Variants in CDH11 observed in about 807,000 individuals in gnomAD.
CDH11 encodes cadherin 11, also known as cadherin-11.
In CDH11, 11 loss-of-function variants were observed where a neutral mutation model predicts 67.8. The observed-to-expected ratio is 0.16, with a 90% CI of 0.10 to 0.27. The LOEUF (loss-of-function observed/expected upper bound fraction) is 0.27, where lower values mean the gene tolerates loss of function less well. Ranked by LOEUF, CDH11 falls within the 10% of genes least tolerant of loss-of-function variation. The probability of loss-of-function intolerance (pLI) is 1.00; values close to 1 mark genes in which losing one functional copy is unlikely to be tolerated. For missense variants in CDH11, 847 were observed against 1,031.2 expected (o/e 0.82, Z 2.45); for synonymous variants, 419 against 400.0 (o/e 1.05, Z -0.57).
At chr16:65,033,267 CACACAT>C (rs60535943) in intron 2 of CDH11, among the ~76,000 whole-genome samples, 19,737 of 148,668 alleles carry the variant, frequency 0.13, 1,682 homozygotes, top group East Asian at 0.38. Context: ...CACACACACA[CACACAT>C]ACAGATTTTG....
chr16:65,066,990 G>A (rs1161364676), intron 1 of CDH11, among the ~76,000 whole-genome samples: 7 of 152,230 alleles, frequency 4.6e-5, no homozygotes, highest in African/African-American at 1.7e-4. Context: ...TTGGCAAACA[G>A]TGGTATTCCT....
intron 2 of CDH11, among the ~76,000 whole-genome samples, chr16:65,027,658 G>C (rs952044368): frequency 6.6e-6 from 1 of 152,176 alleles, no homozygotes; most frequent in African/African-American, 2.4e-5. Flanking sequence ...CGACAGAAAG[G>C]CTTGCCCTTG....
chr16:65,071,177 TC>T (rs1353743861), intron 1 of CDH11, among the ~76,000 whole-genome samples: 2 of 152,046 alleles, frequency 1.3e-5, no homozygotes, highest in Admixed American at 1.3e-4. Flanking sequence ...GAGAAAGTGG[TC>T]CCAGTGGAAA....
intron 2 of CDH11, among the ~76,000 whole-genome samples, chr16:65,025,029 C>A (rs1038540380): frequency 3.3e-5 from 5 of 152,222 alleles, no homozygotes; most frequent in African/African-American, 1.2e-4. Context: ...CTGTCTCAGT[C>A]CAGCAGCAGG....
rs150203507 is a variant in CDH11 at position 65,078,451 on chromosome 16, G to C, written c.-297-24523C>G. 6.7e-4 allele frequency among the ~76,000 whole-genome samples: 102 copies of C among 152,228 alleles called. 2 individuals are homozygous for C. In the South Asian group the frequency reaches 0.015, roughly 22 times the overall value. ...TTAGCATCAGCGAAGACACTACTTC[G>C]TATTATATCATTCCCCCAATAGCAG... is the stretch of plus-strand genomic sequence containing the variant. On this transcript the variant is annotated intron_variant, in intron 1 of 12. Transcript: ENST00000268603.
chr16:65,032,756 A>G (rs879327710), intron 2 of CDH11, among the ~76,000 whole-genome samples: 6 of 152,218 alleles, frequency 3.9e-5, no homozygotes, highest in Non-Finnish European at 8.8e-5. Context: ...TGTGAAATTA[A>G]GGGCATTAGT....
At chr16:64,973,928 G>A (rs540781020) in intron 8 of CDH11, among the ~76,000 whole-genome samples, 1 of 152,302 alleles carries the variant, frequency 6.6e-6, no homozygotes, top group African/African-American at 2.4e-5. Flanking sequence ...TACAAAGTAA[G>A]CTTGGCCATT....
At chr16:65,114,218 A>C (rs2075205175) in intron 1 of CDH11, among the ~76,000 whole-genome samples, 1 of 152,186 alleles carries the variant, frequency 6.6e-6, no homozygotes, top group Non-Finnish European at 1.5e-5. Context: ...CAAAAAACCT[A>C]CTGATAAGGG....
chr16:65,122,125 C>CGGGG (rs2142908078), upstream of CDH11: 7 of 51,982 alleles, frequency 1.3e-4, no homozygotes, highest in East Asian at 4.8e-4. Flanking sequence ...GGCGGGCAGG[C>CGGGG]GGGTGCGGGG....
chr16:64,992,324 G>A (rs1392397094), intron 5 of CDH11, among the ~76,000 whole-genome samples: 1 of 152,186 alleles, frequency 6.6e-6, no homozygotes, highest in Non-Finnish European at 1.5e-5. Flanking sequence ...GAAATGTTTT[G>A]ATGGTGCATA....
chr16:64,974,302 G>A (rs2072101615), intron 8 of CDH11, among the ~76,000 whole-genome samples: 1 of 152,132 alleles, frequency 6.6e-6, no homozygotes, highest in Non-Finnish European at 1.5e-5. Flanking sequence ...GTGGTTTTCT[G>A]CTCTTAGAGG....
At chr16:65,102,811 T>C (rs774054374) in intron 1 of CDH11, among the ~76,000 whole-genome samples, 1 of 152,206 alleles carries the variant, frequency 6.6e-6, no homozygotes, top group Non-Finnish European at 1.5e-5. Flanking sequence ...TGGATCCTTC[T>C]GTTGAACCCA....
At chr16:64,963,099 C>T (rs920013411) in intron 11 of CDH11, among the ~76,000 whole-genome samples, 2 of 152,150 alleles carry the variant, frequency 1.3e-5, no homozygotes, top group African/African-American at 4.8e-5. Context: ...TTTGAAGAGA[C>T]AGAGAAAATA....
chr16:64,971,870 A>T (rs1222438900), intron 10 of CDH11, 61 bp downstream of exon 10: 2 of 1,586,988 alleles, frequency 1.3e-6, no homozygotes, highest in Non-Finnish European at 1.7e-6. Context: ...TGATGGTTTA[A>T]AAAACACACT....
intron 2 of CDH11, among the ~76,000 whole-genome samples, 164 bp from the exon 3 acceptor site, chr16:65,005,205 G>A (rs918249170): frequency 6.6e-6 from 1 of 152,134 alleles, no homozygotes; most frequent in African/African-American, 2.4e-5. Flanking sequence ...TTTATGAAGT[G>A]GGGATAAGAG....
intron 8 of CDH11, 89 bp from the exon 9 acceptor site, chr16:64,973,129 G>A: frequency 8.2e-7 from 1 of 1,225,702 alleles, no homozygotes; most frequent in Non-Finnish European, 1.1e-6. Flanking sequence ...TTTAAATCAA[G>A]CTTCTCAATG....
At chr16:64,950,628 T>A in intron 12 of CDH11, 139 bp downstream of exon 12, 11 of 593,626 alleles carry the variant, frequency 1.9e-5, no homozygotes, top group Non-Finnish European at 2.7e-5. Context: ...CCCGCCCCCG[T>A]ACCCCACTTC....
chr16:65,096,378 A>C (rs949681469), intron 1 of CDH11, among the ~76,000 whole-genome samples: 2 of 149,898 alleles, frequency 1.3e-5, no homozygotes, highest in African/African-American at 4.9e-5. Flanking sequence ...AAATTGCTTA[A>C]GTCAATCTCT....
chr16:65,067,277 G>T (rs2074328860), intron 1 of CDH11, among the ~76,000 whole-genome samples: 1 of 151,840 alleles, frequency 6.6e-6, no homozygotes, highest in African/African-American at 2.4e-5. Context: ...CTGAACAGAT[G>T]TATATGTTTA....
Sources: allele counts gnomAD v4.1 joint callset (sites outside exome capture counted in the v4.1 genomes callset), GRCh38; gene constraint gnomAD v4.1.1; transcripts MANE v1.5; gene names NCBI Gene and HGNC (gene_info 2026-07-23, HGNC 2026-07-21).